The following C2orf49 variants were observed in gnomAD, a reference collection of about 807,000 sequenced individuals.
C2orf49 encodes tRNA-splicing ligase complex subunit ASW.
Under a neutral mutation model 20.6 loss-of-function variants are expected in C2orf49, and 11 were observed. That is an observed-to-expected ratio of 0.53 (90% CI 0.34 to 0.88). The LOEUF (loss-of-function observed/expected upper bound fraction) is 0.88, where lower values mean the gene tolerates loss of function less well. Ranked by LOEUF, C2orf49 falls within the 40% of genes least tolerant of loss-of-function variation. The pLI, the probability that C2orf49 is intolerant of heterozygous loss-of-function variation, is 0.02. For missense variants in C2orf49, 289 were observed against 274.2 expected (o/e 1.05, Z -0.38); for synonymous variants, 134 against 108.5 (o/e 1.24, Z -1.46).
At chr2:105,350,884 A>G (rs972765352), downstream of C2orf49, among the ~76,000 whole-genome samples, 1 of 152,180 alleles carries the variant, frequency 6.6e-6, no homozygotes. Context: ...ATTGTTAACT[A>G]AAGTTCTTAA....
At chr2:105,363,843 C>G in the C2orf49 span, among the ~76,000 whole-genome samples, 1 of 152,186 alleles carries the variant, frequency 6.6e-6, no homozygotes, top group African/African-American at 2.4e-5. Context: ...TGAATCCTAA[C>G]CCTACTCCTT....
At chr2:105,360,589 C>G in the C2orf49 span, 1 of 152,436 alleles carries the variant, frequency 6.6e-6, no homozygotes, top group Non-Finnish European at 1.5e-5. Context: ...ATCTCCTGAC[C>G]TCATGATCCA....
At chr2:105,349,938 G>A (rs1679898366), downstream of C2orf49, among the ~76,000 whole-genome samples, 1 of 152,132 alleles carries the variant, frequency 6.6e-6, no homozygotes, top group Admixed American at 6.5e-5. Context: ...TGTGGACCTG[G>A]CCTTGTAACT....
chr2:105,338,916 C>G (rs1679584665), intron 1 of C2orf49, among the ~76,000 whole-genome samples: 1 of 152,042 alleles, frequency 6.6e-6, no homozygotes. Flanking sequence ...TTCATGATGT[C>G]AAGAACAAAT....
At chr2:105,371,263 G>T in the C2orf49 span, among the ~76,000 whole-genome samples, 1 of 152,146 alleles carries the variant, frequency 6.6e-6, no homozygotes, top group Non-Finnish European at 1.5e-5. Flanking sequence ...ATCTAAGTCA[G>T]CAAGCTTCGA....
rs368281845 is a variant in C2orf49 at position 105,343,147 on chromosome 2, C to T, written c.566C>T (p.Ser189Leu). The T allele has an allele frequency of 5.5e-5, 88 of 1,614,112 alleles. No homozygotes were observed. The Admixed American group carries it at 6.2e-4, about 11-fold the overall frequency. The change falls in exon 3 of 4, where the codon TCG (serine) becomes TTG (leucine). Residue 189 changes from serine to leucine, a missense_variant. Ser to Leu is a moderately radical substitution (Grantham distance 145, BLOSUM62 -2). Transcript: ENST00000258457. ...AAAAGTCCTTCAGGCCCTGTGAAGTCGCCACCATTGTCCCCTGTTGGAACT... is the reference window on the plus strand; with the variant it reads ...AAAAGTCCTTCAGGCCCTGTGAAGTTGCCACCATTGTCCCCTGTTGGAACT... ...HRKSPSGPVK[S>L]PPLSPVGTTP...
chr2:105,337,982 A>T (rs1215900528), intron 1 of C2orf49, among the ~76,000 whole-genome samples: 3 of 152,182 alleles, frequency 2.0e-5, no homozygotes, highest in Non-Finnish European at 4.4e-5. Context: ...GTAAGCCCCG[A>T]CCTGAGGAAG....
intron 2 of C2orf49, 100 bp downstream of exon 2, chr2:105,339,849 T>A: frequency 9.2e-7 from 1 of 1,083,032 alleles, no homozygotes; most frequent in Non-Finnish European, 1.3e-6. Flanking sequence ...AAAAATTTAT[T>A]TACTCAATGA....
chr2:105,356,699 T>G, the C2orf49 span, among the ~76,000 whole-genome samples: 9 of 152,350 alleles, frequency 5.9e-5, no homozygotes, highest in African/African-American at 2.2e-4. Context: ...TGACATTTGC[T>G]TTGTGTACTT....
the C2orf49 span, among the ~76,000 whole-genome samples, chr2:105,381,370 G>A: frequency 3.9e-5 from 6 of 152,048 alleles, no homozygotes; most frequent in African/African-American, 1.4e-4. Context: ...CAATTACCCC[G>A]ACAGTCCCGT....
the C2orf49 span, chr2:105,363,227 G>C: frequency 6.4e-7 from 1 of 1,557,904 alleles, no homozygotes; most frequent in African/African-American, 1.3e-5. Flanking sequence ...AGGCTAAAAT[G>C]CTAGGCCTTG....
the C2orf49 span, among the ~76,000 whole-genome samples, chr2:105,366,568 C>A: frequency 6.6e-6 from 1 of 152,150 alleles, no homozygotes; most frequent in East Asian, 1.9e-4. Flanking sequence ...ATAAGAATTG[C>A]GTGTGTCTAA....
At chr2:105,377,922 G>C in the C2orf49 span, 2 of 400,892 alleles carry the variant, frequency 5.0e-6, no homozygotes, top group East Asian at 7.2e-5. Flanking sequence ...TACGCCCAGA[G>C]GGGTGGCAAG....
Position 105,347,616 on chromosome 2 carries a change from A to G in C2orf49, c.*2245A>G, listed in dbSNP as rs891835204. ...AATGTGGAGAAACGCTAAACCATGT[A>G]CTATGTGTTAACATAATCCCACCTT... On this transcript the variant is annotated 3_prime_UTR_variant, in exon 4 of 4. Transcript: ENST00000258457. 7 of 152,242 alleles carry G rather than the reference A, an allele frequency of 4.6e-5. No homozygotes were observed. The highest frequency in any genetic ancestry group is 4.6e-4 in the Admixed American group (7 of 15,282). The allele number at this position is 152,242 out of a possible 1,614,324, so 9.4% of individuals were successfully genotyped here.
chr2:105,370,664 T>C, the C2orf49 span, among the ~76,000 whole-genome samples: 1 of 152,194 alleles, frequency 6.6e-6, no homozygotes, highest in African/African-American at 2.4e-5. Context: ...TGTAAACCCA[T>C]ATTCATCTTG....
At chr2:105,379,455 TA>T in the C2orf49 span, among the ~76,000 whole-genome samples, 1 of 152,232 alleles carries the variant, frequency 6.6e-6, no homozygotes, top group Non-Finnish European at 1.5e-5. Flanking sequence ...TTTTTCATTT[TA>T]AATCTAAAAT....
chr2:105,337,832 TCTCCTCGCTCCTG>T (rs1679545304), intron 1 of C2orf49, 146 bp downstream of exon 1: 6 of 677,426 alleles, frequency 8.9e-6, no homozygotes, highest in Non-Finnish European at 1.2e-5. Context: ...CAGGCAGCTG[TCTCCTCGCTCCTG>T]CTCCTCGCCC....
chr2:105,373,808 C>G, the C2orf49 span: 3 of 1,475,168 alleles, frequency 2.0e-6, no homozygotes, highest in Non-Finnish European at 1.9e-6. Flanking sequence ...GGGCCCCTTG[C>G]GAATCTGCAG....
chr2:105,370,729 A>G, the C2orf49 span, among the ~76,000 whole-genome samples: 1 of 152,272 alleles, frequency 6.6e-6, no homozygotes, highest in East Asian at 1.9e-4. Context: ...GCTTTGATTC[A>G]GTGTTTTGTC....
Sources: allele counts gnomAD v4.1 joint callset (sites outside exome capture counted in the v4.1 genomes callset), GRCh38; gene constraint gnomAD v4.1.1; transcripts MANE v1.5; gene names NCBI Gene and HGNC (gene_info 2026-07-23, HGNC 2026-07-21).